The following TCF4 variants were observed in gnomAD, a reference collection of about 807,000 sequenced individuals.
TCF4 encodes SL3-3 enhancer factor 2.
In TCF4, 3 loss-of-function variants were observed where a neutral mutation model predicts 82.1. The observed-to-expected ratio is 0.04, with a 90% CI of 0.02 to 0.09. TCF4 has a LOEUF of 0.09. Among genes scored for constraint, TCF4 ranks in the 10% least tolerant of loss-of-function variants. The probability of loss-of-function intolerance (pLI) is 1.00; values close to 1 mark genes in which losing one functional copy is unlikely to be tolerated. For missense variants in TCF4, 518 were observed against 852.7 expected (o/e 0.61, Z 4.89); for synonymous variants, 276 against 309.6 (o/e 0.89, Z 1.14).
chr18:55,564,529 T>C (rs1481815303), intron 3 of TCF4, among the ~76,000 whole-genome samples: 1 of 152,192 alleles, frequency 6.6e-6, no homozygotes, highest in Non-Finnish European at 1.5e-5. Context: ...ACAATTATCA[T>C]GTGAGATGGT....
chr18:55,545,296 T>C (rs577602569), intron 3 of TCF4, among the ~76,000 whole-genome samples: 86 of 152,350 alleles, frequency 5.6e-4, no homozygotes, highest in African/African-American at 2.0e-3. Flanking sequence ...CATCCGTCTA[T>C]GTAAACATTT....
chr18:55,365,437 T>TCAGAGTGGGTCAATTCCACAAAG (rs2086760381), intron 6 of TCF4, among the ~76,000 whole-genome samples: 1 of 151,560 alleles, frequency 6.6e-6, no homozygotes, highest in Non-Finnish European at 1.5e-5. Flanking sequence ...GAGAACAACT[T>TCAGAGTGGGTCAATTCCACAAAG]CAGAGTGGGT....
rs2046314383 is a variant in TCF4 at position 55,224,310 on chromosome 18, C to T, written c.*3725G>A. The T allele has an allele frequency of 6.6e-6, 1 of 152,434 alleles. No homozygotes were observed. The highest frequency in any genetic ancestry group is 2.4e-5 in the African/African-American group (1 of 41,382). 9.4% of individuals were successfully genotyped at this position (152,434 alleles called of 1,614,324 possible). On this transcript the variant is annotated 3_prime_UTR_variant, in exon 20 of 20. Transcript: ENST00000354452. ...AACCAGCACTGCACAAAGATGAGTC[C>T]ACTTCAAGTCCCATGAGAAAGAGCA...
chr18:55,485,170 T>C (rs2096496336), intron 3 of TCF4, among the ~76,000 whole-genome samples: 1 of 152,206 alleles, frequency 6.6e-6, no homozygotes, highest in African/African-American at 2.4e-5. Context: ...GGAATTTCCT[T>C]ATCATTCCTA....
intron 5 of TCF4, among the ~76,000 whole-genome samples, chr18:55,431,555 C>T (rs1315571951): frequency 6.6e-6 from 1 of 152,218 alleles, no homozygotes; most frequent in East Asian, 1.9e-4. Flanking sequence ...GCTGGGATTA[C>T]AGTTGTGAAC....
intron 8 of TCF4, among the ~76,000 whole-genome samples, chr18:55,319,257 A>G (rs1338050650): frequency 6.6e-6 from 1 of 152,340 alleles, no homozygotes; most frequent in Middle Eastern, 3.4e-3. Context: ...CGCATGGTAT[A>G]TACAATCTCC....
At chr18:55,363,976 AT>A (rs984628636) in intron 6 of TCF4, among the ~76,000 whole-genome samples, 1 of 152,206 alleles carries the variant, frequency 6.6e-6, no homozygotes, top group Non-Finnish European at 1.5e-5. Context: ...AACATGAACC[AT>A]TCCTTTATAA....
intron 3 of TCF4, among the ~76,000 whole-genome samples, chr18:55,554,527 C>A (rs2097287862): frequency 6.6e-6 from 1 of 151,928 alleles, no homozygotes; most frequent in South Asian, 2.1e-4. Flanking sequence ...CGTGTGTACT[C>A]CTCTGAACAT....
chr18:55,261,675 T>C, intron 11 of TCF4, 142 bp from the exon 12 acceptor site: 1 of 959,624 alleles, frequency 1.0e-6, no homozygotes, highest in East Asian at 2.5e-5. Flanking sequence ...TTAATTTGTT[T>C]GCTGAGGTAG....
intron 6 of TCF4, among the ~76,000 whole-genome samples, chr18:55,386,351 A>G (rs989101901): frequency 3.9e-5 from 6 of 152,166 alleles, no homozygotes; most frequent in Non-Finnish European, 8.8e-5. Context: ...GGACATTCAG[A>G]CCATTTCGTA....
chr18:55,404,022 TC>T (rs11315910), intron 5 of TCF4: 36,165 of 1,187,714 alleles, frequency 0.03, 755 homozygotes, highest in African/African-American at 0.09. Flanking sequence ...TTTTAAAAAC[TC>T]CCTTTCCCAG....
intron 8 of TCF4, among the ~76,000 whole-genome samples, chr18:55,349,310 A>C (rs1372843910): frequency 6.6e-6 from 1 of 152,182 alleles, no homozygotes; most frequent in African/African-American, 2.4e-5. Context: ...AACTGAAATC[A>C]AGTCAAATAC....
chr18:55,415,691 G>A (rs1391201007), intron 5 of TCF4, among the ~76,000 whole-genome samples: 2 of 152,190 alleles, frequency 1.3e-5, no homozygotes, highest in Admixed American at 1.3e-4. Flanking sequence ...TCGATGGAAA[G>A]TTGTTCATTA....
At chr18:55,249,407 A>G (rs566827916) in intron 15 of TCF4, among the ~76,000 whole-genome samples, 1 of 152,314 alleles carries the variant, frequency 6.6e-6, no homozygotes, top group African/African-American at 2.4e-5. Context: ...AATGGGTTCC[A>G]CATCCCCCAC....
At chr18:55,346,399 A>T (rs921783780) in intron 8 of TCF4, among the ~76,000 whole-genome samples, 1 of 152,190 alleles carries the variant, frequency 6.6e-6, no homozygotes, top group Admixed American at 6.5e-5. Context: ...GTCCCAAATT[A>T]TCTCTGACCA....
At chr18:55,377,219 A>G (rs1270849879) in intron 6 of TCF4, among the ~76,000 whole-genome samples, 1 of 152,238 alleles carries the variant, frequency 6.6e-6, no homozygotes, top group Non-Finnish European at 1.5e-5. Context: ...GGAAAGCAAA[A>G]GGTTTAAGAA....
At chr18:55,272,426 G>C (rs1287388817) in intron 10 of TCF4, among the ~76,000 whole-genome samples, 2 of 151,882 alleles carry the variant, frequency 1.3e-5, no homozygotes, top group Non-Finnish European at 2.9e-5. Context: ...TGTCTTTCCT[G>C]CTTGCTACAA....
At chr18:55,552,431 T>G (rs898505196) in intron 3 of TCF4, among the ~76,000 whole-genome samples, 3 of 152,222 alleles carry the variant, frequency 2.0e-5, no homozygotes, top group African/African-American at 7.2e-5. Context: ...ATGAACTTAC[T>G]CTAAAATGAA....
intron 5 of TCF4, among the ~76,000 whole-genome samples, chr18:55,420,912 AAAAG>A (rs892954421): frequency 6.6e-6 from 1 of 151,934 alleles, no homozygotes; most frequent in African/African-American, 2.4e-5. Flanking sequence ...AAAAAAAAAA[AAAAG>A]AAACATTATC....
Sources: gnomAD v4.1 joint callset for allele counts (sites outside exome capture counted in the v4.1 genomes callset) on GRCh38, gnomAD v4.1.1 for gene constraint, MANE v1.5 for transcripts, NCBI Gene and HGNC (gene_info 2026-07-23, HGNC 2026-07-21) for gene names.